The following TBC1D32 variants were observed in gnomAD, a reference collection of about 807,000 sequenced individuals.
TBC1D32 encodes protein broad-minded.
In TBC1D32, 151 loss-of-function variants were observed where a neutral mutation model predicts 170.3. That is an observed-to-expected ratio of 0.89 (90% CI 0.78 to 1.01). The LOEUF (loss-of-function observed/expected upper bound fraction) is 1.01. Ranked by LOEUF, TBC1D32 falls within the 50% of genes least tolerant of loss-of-function variation. The pLI is 0.00. For missense variants in TBC1D32, 1,464 were observed against 1,457.1 expected (o/e 1.00, Z -0.08); for synonymous variants, 498 against 488.0 (o/e 1.02, Z -0.27).
At chr6:121,195,683 T>C (rs1314550108) in intron 22 of TBC1D32, among the ~76,000 whole-genome samples, 1 of 152,170 alleles carries the variant, frequency 6.6e-6, no homozygotes, top group Admixed American at 6.5e-5. Context: ...CTTGCACAGA[T>C]GGCCTCATGG....
chr6:121,146,737 A>G (rs2041038325), intron 24 of TBC1D32, among the ~76,000 whole-genome samples: 1 of 152,170 alleles, frequency 6.6e-6, no homozygotes, highest in Admixed American at 6.5e-5. Flanking sequence ...ATAAAATTAT[A>G]CTTCTCTGAG....
chr6:121,297,187 A>G (rs533003677), intron 10 of TBC1D32, among the ~76,000 whole-genome samples: 1 of 152,204 alleles, frequency 6.6e-6, no homozygotes, highest in Admixed American at 6.5e-5. Flanking sequence ...TAGTAGGTGA[A>G]TTTAAAGAGT....
At chr6:121,324,748 C>T (rs1810231459) in intron 1 of TBC1D32, among the ~76,000 whole-genome samples, 1 of 152,154 alleles carries the variant, frequency 6.6e-6, no homozygotes, top group Non-Finnish European at 1.5e-5. Flanking sequence ...AATCTTTGCA[C>T]ATTCCATACA....
intron 12 of TBC1D32, among the ~76,000 whole-genome samples, chr6:121,286,126 A>C (rs1803779978): frequency 6.6e-6 from 1 of 152,180 alleles, no homozygotes; most frequent in African/African-American, 2.4e-5. Flanking sequence ...CAACGGAACA[A>C]AGCTGGATGG....
chr6:121,207,180 A>C (rs6918831), intron 21 of TBC1D32, among the ~76,000 whole-genome samples: 134,061 of 151,818 alleles, frequency 0.88, 59,646 homozygotes, highest in East Asian at 0.98. Flanking sequence ...GAATCATTAT[A>C]CTTCTTGTAC....
Position 121,142,489 on chromosome 6 carries a change from G to T in TBC1D32, c.2774-10737C>A, listed in dbSNP as rs150008844. Reference sequence around the variant, plus strand: ...AATTCCATGATAGTAAGATAAATAGGATATAGATGTAATTTAGAATGCTGA... The same window carrying T: ...AATTCCATGATAGTAAGATAAATAGTATATAGATGTAATTTAGAATGCTGA... On this transcript the variant is annotated intron_variant, in intron 24 of 31. Coordinates refer to ENST00000398212, the MANE Select transcript of TBC1D32 (RefSeq NM_152730.6). Among the ~76,000 whole-genome samples the T allele has an allele frequency of 2.1e-3, 315 of 152,202 alleles. 1 individual carries two copies. The highest frequency in any genetic ancestry group is 7.3e-3 in the African/African-American group (303 of 41,524).
At chr6:121,234,352 T>C (rs1399804871) in intron 20 of TBC1D32, among the ~76,000 whole-genome samples, 1 of 152,178 alleles carries the variant, frequency 6.6e-6, no homozygotes, top group Non-Finnish European at 1.5e-5. Flanking sequence ...ACACCAATTA[T>C]TCTTAGGCTC....
At chr6:121,117,469 A>C (rs957900447) in intron 26 of TBC1D32, among the ~76,000 whole-genome samples, 1 of 152,156 alleles carries the variant, frequency 6.6e-6, no homozygotes. Flanking sequence ...TGGGAGGCTG[A>C]GAGGGATGGA....
intron 29 of TBC1D32, among the ~76,000 whole-genome samples, chr6:121,109,059 T>C (rs1461622880): frequency 1.3e-5 from 2 of 152,114 alleles, no homozygotes; most frequent in Non-Finnish European, 2.9e-5. Context: ...TAGTCACATA[T>C]AAGAAAGGGA....
At chr6:121,330,196 A>G (rs995085762) in intron 1 of TBC1D32, among the ~76,000 whole-genome samples, 5 of 152,014 alleles carry the variant, frequency 3.3e-5, no homozygotes, top group South Asian at 2.1e-4. Flanking sequence ...ACTGCACCCA[A>G]CTAATTTTTA....
intron 20 of TBC1D32, among the ~76,000 whole-genome samples, chr6:121,234,254 A>G (rs772057771): frequency 3.2e-4 from 49 of 152,152 alleles, no homozygotes; most frequent in Non-Finnish European, 5.1e-4. Flanking sequence ...TTGGATGTCT[A>G]GATCCTTAGC....
In TBC1D32 at chr6:121,202,290, A is replaced by AG. The variant is rs1300702972; in HGVS notation, c.2570+2784_2570+2785insC. On this transcript the variant is annotated intron_variant, in intron 22 of 31. Coordinates refer to ENST00000398212, the MANE Select transcript of TBC1D32 (RefSeq NM_152730.6). ...GTTGACTAGAGAATGAAAAAAAAAA[A>AG]AAAGAAAGAAAGAAAAAGAAACCGC... Among the ~76,000 whole-genome samples the AG allele has an allele frequency of 1.3e-4, 19 of 150,426 alleles. 2 individuals carry two copies. In the South Asian group the frequency reaches 2.9e-3, roughly 23 times the overall value.
intron 5 of TBC1D32, 130 bp from the exon 6 acceptor site, chr6:121,304,963 G>T: frequency 1.5e-6 from 1 of 650,928 alleles, no homozygotes; most frequent in Non-Finnish European, 2.6e-6. Flanking sequence ...ACTAGAGTCA[G>T]AATGTACTTA....
intron 17 of TBC1D32, among the ~76,000 whole-genome samples, chr6:121,244,478 G>C (rs1749778040): frequency 6.6e-6 from 1 of 152,098 alleles, no homozygotes; most frequent in Non-Finnish European, 1.5e-5. Context: ...GACTCCTTAG[G>C]TGGGACCTGC....
At chr6:121,219,605 C>T (rs1794264154) in intron 21 of TBC1D32, among the ~76,000 whole-genome samples, 1 of 152,128 alleles carries the variant, frequency 6.6e-6, no homozygotes, top group Admixed American at 6.5e-5. Context: ...ATTTATATAC[C>T]TCTAAGACAG....
chr6:121,289,797 A>G (rs1413117206), intron 12 of TBC1D32, among the ~76,000 whole-genome samples: 3 of 73,878 alleles, frequency 4.1e-5, no homozygotes, highest in Non-Finnish European at 1.6e-4. Flanking sequence ...GTACCAAAAC[A>G]GAGATATAGA....
intron 12 of TBC1D32, among the ~76,000 whole-genome samples, chr6:121,287,242 TGTATTCAAGAAACCCACCTAAC>T (rs751544983): frequency 4.6e-5 from 7 of 152,200 alleles, no homozygotes; most frequent in Admixed American, 1.3e-4. Context: ...ATCAGTGTGC[TGTATTCAAGAAACCCACCTAAC>T]GTACAGAGAA....
chr6:121,186,430 A>G lies in TBC1D32; in HGVS notation c.2570+18645T>C, dbSNP rs541165111. On this transcript the variant is annotated intron_variant, in intron 22 of 31. Coordinates refer to ENST00000398212, the MANE Select transcript of TBC1D32 (RefSeq NM_152730.6). ...GAACCTCAATAACAAAGCTTTAGAT[A>G]TAAAAAAACAAAACTTAGATATAGA... Among the ~76,000 whole-genome samples, 4 of 152,184 alleles carry G rather than the reference A, an allele frequency of 2.6e-5. No homozygotes were observed. The South Asian group carries it at 8.3e-4, about 32-fold the overall frequency.
At chr6:121,225,890 A>T (rs1441990669) in intron 20 of TBC1D32, among the ~76,000 whole-genome samples, 2 of 152,118 alleles carry the variant, frequency 1.3e-5, no homozygotes, top group Non-Finnish European at 2.9e-5. Flanking sequence ...ACATTATAAG[A>T]TGTTGCTAAT....
Sources: allele counts gnomAD v4.1 joint callset (sites outside exome capture counted in the v4.1 genomes callset), GRCh38; gene constraint gnomAD v4.1.1; transcripts MANE v1.5; gene names NCBI Gene and HGNC (gene_info 2026-07-23, HGNC 2026-07-21).